The following ANKFN1 variants were observed in gnomAD, a reference collection of about 807,000 sequenced individuals.
ANKFN1 encodes the protein ankyrin repeat and fibronectin type III domain containing 1.
Under a neutral mutation model 108.7 loss-of-function variants are expected in ANKFN1, and 74 were observed. The ratio of observed to expected loss-of-function variants is 0.68; its 90% CI spans 0.56 to 0.83. The LOEUF is 0.83. ANKFN1 is among the 40% of genes least tolerant of loss of function. The pLI is 0.00. For synonymous variants in ANKFN1, 547 were observed against 516.2 expected, an observed-to-expected ratio of 1.06 and a Z score of -0.81; for missense variants, 1,505 against 1,382.3, an observed-to-expected ratio of 1.09 and a Z score of -1.41.
intron 4 of ANKFN1, among the ~76,000 whole-genome samples, chr17:56,065,456 G>A (rs1905044876): frequency 6.6e-6 from 1 of 152,098 alleles, no homozygotes; most frequent in South Asian, 2.1e-4. Flanking sequence ...CTTGCAGCTT[G>A]GCACGAGAAC....
intron 4 of ANKFN1, among the ~76,000 whole-genome samples, chr17:56,106,655 T>A (rs971143252): frequency 2.6e-5 from 4 of 152,216 alleles, no homozygotes; most frequent in African/African-American, 9.6e-5. Context: ...GGCAAGTATT[T>A]ACCTTTTCTG....
chr17:56,375,039 CTT>C (rs2046909176), intron 8 of ANKFN1, among the ~76,000 whole-genome samples: 1 of 152,090 alleles, frequency 6.6e-6, no homozygotes, highest in African/African-American at 2.4e-5. Context: ...AAGAATCAGA[CTT>C]GATCCAAGGA....
At chr17:56,116,765 C>T (rs547007425) in intron 4 of ANKFN1, among the ~76,000 whole-genome samples, 1 of 152,094 alleles carries the variant, frequency 6.6e-6, no homozygotes, top group Non-Finnish European at 1.5e-5. Flanking sequence ...TTTATAGTAA[C>T]ACAAACAGGC....
chr17:56,368,438 C>G (rs560785495), intron 6 of ANKFN1, among the ~76,000 whole-genome samples: 1 of 151,486 alleles, frequency 6.6e-6, no homozygotes, highest in Admixed American at 6.6e-5. Context: ...GGTCACCACG[C>G]AAGGCTAATT....
intron 8 of ANKFN1, among the ~76,000 whole-genome samples, chr17:56,432,079 G>A (rs983104156): frequency 6.6e-6 from 1 of 152,230 alleles, no homozygotes; most frequent in Non-Finnish European, 1.5e-5. Context: ...GGGAGGTGTG[G>A]TGGGGTTAGC....
At chr17:56,481,614 C>A (rs775964059) in intron 17 of ANKFN1, among the ~76,000 whole-genome samples, 2 of 152,104 alleles carry the variant, frequency 1.3e-5, no homozygotes, top group Non-Finnish European at 2.9e-5. Flanking sequence ...ATGAATTGGC[C>A]TCTAACCCAT....
intron 1 of ANKFN1, among the ~76,000 whole-genome samples, chr17:56,159,053 AAAGC>A (rs1385756642): frequency 6.6e-6 from 1 of 151,014 alleles, no homozygotes; most frequent in Non-Finnish European, 1.5e-5. Context: ...AAAAAAAAAA[AAAGC>A]AGAAGAAGAA....
At chr17:56,461,662 C>A (rs926989865) in intron 14 of ANKFN1, among the ~76,000 whole-genome samples, 18 of 152,248 alleles carry the variant, frequency 1.2e-4, no homozygotes, top group African/African-American at 4.3e-4. Context: ...ATCAGAATCC[C>A]AGAGTTTATT....
chr17:56,393,318 A>G (rs1199717462), intron 8 of ANKFN1, among the ~76,000 whole-genome samples: 1 of 152,194 alleles, frequency 6.6e-6, no homozygotes, highest in Non-Finnish European at 1.5e-5. Flanking sequence ...TTCTCTGCCC[A>G]ATAAACCCTT....
At chr17:56,506,060 T>G (rs2051550254) in intron 20 of ANKFN1, among the ~76,000 whole-genome samples, 1 of 152,148 alleles carries the variant, frequency 6.6e-6, no homozygotes, top group Non-Finnish European at 1.5e-5. Flanking sequence ...TTTGTTTGTT[T>G]GTTTATTTGT....
chr17:56,215,445 G>T (rs1177673634), intron 2 of ANKFN1, among the ~76,000 whole-genome samples: 2 of 152,206 alleles, frequency 1.3e-5, no homozygotes, highest in Non-Finnish European at 2.9e-5. Flanking sequence ...TGAGACAGAG[G>T]TGAGTTTTCT....
intron 4 of ANKFN1, among the ~76,000 whole-genome samples, chr17:56,138,653 G>A (rs1907737569): frequency 6.6e-6 from 1 of 151,884 alleles, no homozygotes; most frequent in Non-Finnish European, 1.5e-5. Context: ...GGGATTACAG[G>A]TGTGCACCAC....
chr17:56,236,260 T>C (rs1917139441), intron 3 of ANKFN1, among the ~76,000 whole-genome samples: 1 of 152,062 alleles, frequency 6.6e-6, no homozygotes, highest in South Asian at 2.1e-4. Flanking sequence ...GGTTTCACCA[T>C]GTTAGCCAGG....
chr17:56,458,408 C>T (rs73991539), intron 14 of ANKFN1, among the ~76,000 whole-genome samples: 2,172 of 151,854 alleles, frequency 0.014, 47 homozygotes, highest in African/African-American at 0.049. Context: ...AAAAAAGAGA[C>T]GAGCAGATAT....
chr17:56,292,327 A>C (rs1169481465), intron 3 of ANKFN1, among the ~76,000 whole-genome samples: 3 of 152,218 alleles, frequency 2.0e-5, no homozygotes, highest in Non-Finnish European at 2.9e-5. Flanking sequence ...ATATCATCTT[A>C]GGGCTGCCTT....
intron 4 of ANKFN1, among the ~76,000 whole-genome samples, chr17:56,098,152 G>T (rs952334979): frequency 2.0e-5 from 3 of 152,208 alleles, no homozygotes; most frequent in Middle Eastern, 3.4e-3. Flanking sequence ...GCTGACAGCT[G>T]CCAGAAGCTG....
At chr17:56,280,525 T>A (rs2044052094) in intron 3 of ANKFN1, among the ~76,000 whole-genome samples, 2 of 152,150 alleles carry the variant, frequency 1.3e-5, no homozygotes, top group Admixed American at 6.6e-5. Context: ...CCTTTGAACT[T>A]GAACTGAATT....
chr17:56,490,295 T>C (rs2050992741), intron 18 of ANKFN1, among the ~76,000 whole-genome samples: 1 of 152,168 alleles, frequency 6.6e-6, no homozygotes, highest in Admixed American at 6.5e-5. Context: ...GAGATGTCAG[T>C]GAAAACTTTG....
intron 4 of ANKFN1, among the ~76,000 whole-genome samples, chr17:56,142,236 G>C (rs963313749): frequency 3.3e-5 from 5 of 152,044 alleles, no homozygotes; most frequent in Admixed American, 3.3e-4. Flanking sequence ...GCCAGCTAGG[G>C]CTTACTTTAT....
Sources: gnomAD v4.1 joint callset for allele counts (sites outside exome capture counted in the v4.1 genomes callset) on GRCh38, gnomAD v4.1.1 for gene constraint, MANE v1.5 for transcripts, NCBI Gene and HGNC (gene_info 2026-07-23, HGNC 2026-07-21) for gene names.